The following IGF2BP2 variants were observed in gnomAD, a reference collection of about 807,000 sequenced individuals.
IGF2BP2 encodes insulin-like growth factor 2 mRNA-binding protein 2.
Under a neutral mutation model 75.8 loss-of-function variants are expected in IGF2BP2, and 17 were observed. The ratio of observed to expected loss-of-function variants is 0.22; its 90% CI spans 0.15 to 0.34. The LOEUF (loss-of-function observed/expected upper bound fraction) is 0.34, where lower values mean the gene tolerates loss of function less well. Ranked by LOEUF, IGF2BP2 falls within the 10% of genes least tolerant of loss-of-function variation. The pLI is 1.00. For synonymous variants in IGF2BP2, 288 were observed against 295.6 expected (o/e 0.97, Z 0.26); for missense variants, 516 against 772.4 (o/e 0.67, Z 3.93).
At chr3:185,823,956 G>A (rs949378474) in intron 1 of IGF2BP2, among the ~76,000 whole-genome samples, 14 of 152,112 alleles carry the variant, frequency 9.2e-5, no homozygotes, top group Admixed American at 6.5e-5. Context: ...CTCAACCCTG[G>A]CCCCCACCGA....
intron 2 of IGF2BP2, among the ~76,000 whole-genome samples, chr3:185,741,095 G>A (rs868011462): frequency 6.6e-6 from 1 of 151,998 alleles, no homozygotes; most frequent in African/African-American, 2.4e-5. Context: ...AGGATGTCTC[G>A]ATCTCCTGAC....
At position 185,675,774 on chromosome 3, in the gene IGF2BP2, C is replaced by A; in HGVS notation, c.935+17G>T. On this transcript the variant is annotated intron_variant, in intron 8 of 15. Transcript: ENST00000382199. ...TGTTCCATTATTGGGCATGAGTAAT[C>A]TGAGTAAGTGGCTTACGATGAGATT... 6.2e-7 allele frequency: 1 copy of A among 1,610,918 alleles called. No individual in the cohort carries two copies. The highest frequency in any genetic ancestry group is 8.5e-7 in the Non-Finnish European group (1 of 1,179,330).
chr3:185,776,653 T>G (rs117247180), intron 2 of IGF2BP2, among the ~76,000 whole-genome samples: 1 of 152,214 alleles, frequency 6.6e-6, no homozygotes, highest in East Asian at 1.9e-4. Flanking sequence ...GACTCCAGAA[T>G]GCAGCCAAAG....
intron 2 of IGF2BP2, among the ~76,000 whole-genome samples, chr3:185,775,711 G>C (rs1479578416): frequency 1.3e-5 from 2 of 152,170 alleles, no homozygotes; most frequent in Non-Finnish European, 2.9e-5. Context: ...AAGAGAAATG[G>C]AGATCACTGA....
chr3:185,779,768 GC>G (rs1734971866), intron 2 of IGF2BP2, among the ~76,000 whole-genome samples: 1 of 151,230 alleles, frequency 6.6e-6, no homozygotes, highest in South Asian at 2.1e-4. Flanking sequence ...TTCTCCTATT[GC>G]CATTCTGAAA....
At position 185,675,068 on chromosome 3, in the gene IGF2BP2, C is replaced by T. The variant is rs1363604306; in HGVS notation, c.1071+228G>A. On this transcript the variant is annotated intron_variant, in intron 9 of 15. Coordinates refer to ENST00000382199, the MANE Select transcript of IGF2BP2 (RefSeq NM_006548.6). ...TTCTTAATAAACACTATATCATAAG[C>T]TTTTCCTTATTTCAGTCTTCAAAGT... The T allele has an allele frequency of 2.7e-5, 6 of 222,076 alleles. No homozygotes were observed. In the East Asian group the frequency reaches 6.0e-4, roughly 22 times the overall value. 13.8% of individuals were successfully genotyped at this position (222,076 alleles called of 1,614,324 possible).
chr3:185,790,614 T>C (rs1391973791), intron 2 of IGF2BP2, among the ~76,000 whole-genome samples: 1 of 152,212 alleles, frequency 6.6e-6, no homozygotes, highest in African/African-American at 2.4e-5. Flanking sequence ...CTTCCTAAAA[T>C]TGTTTTTTCC....
chr3:185,821,289 C>T (rs1298076728), intron 2 of IGF2BP2, among the ~76,000 whole-genome samples: 1 of 152,198 alleles, frequency 6.6e-6, no homozygotes, highest in Non-Finnish European at 1.5e-5. Flanking sequence ...ATACACAGCG[C>T]ATTTTAATCT....
chr3:185,823,278 G>T, intron 1 of IGF2BP2, 65 bp from the exon 2 acceptor site: 1 of 1,287,620 alleles, frequency 7.8e-7, no homozygotes, highest in South Asian at 1.3e-5. Context: ...GTCTAGGGGG[G>T]GCACGCACGG....
At chr3:185,778,436 A>T (rs777037328) in intron 2 of IGF2BP2, among the ~76,000 whole-genome samples, 15 of 152,238 alleles carry the variant, frequency 9.9e-5, no homozygotes, top group Non-Finnish European at 2.1e-4. Flanking sequence ...TCTCATCAAC[A>T]TTATAATAAA....
At chr3:185,672,196 T>C (rs1384897527) in intron 10 of IGF2BP2, among the ~76,000 whole-genome samples, 2 of 152,238 alleles carry the variant, frequency 1.3e-5, no homozygotes, top group African/African-American at 2.4e-5. Context: ...AGGTACCCTA[T>C]ATATTTTAAT....
intron 2 of IGF2BP2, among the ~76,000 whole-genome samples, chr3:185,798,431 C>A (rs1306330686): frequency 6.6e-6 from 1 of 152,190 alleles, no homozygotes; most frequent in Non-Finnish European, 1.5e-5. Context: ...ATATTTATTA[C>A]ATAATAGATT....
At chr3:185,679,594 A>C (rs1720072883) in intron 7 of IGF2BP2, among the ~76,000 whole-genome samples, 1 of 151,588 alleles carries the variant, frequency 6.6e-6, no homozygotes. Flanking sequence ...CTTTTATTTT[A>C]TGTTTTATTT....
intron 2 of IGF2BP2, chr3:185,716,679 A>G: frequency 1.9e-6 from 1 of 520,002 alleles, no homozygotes; most frequent in Non-Finnish European, 3.8e-6. Flanking sequence ...GGTTAAGGAG[A>G]GTGTATTTAC....
At chr3:185,770,713 A>G (rs1292581030) in intron 2 of IGF2BP2, among the ~76,000 whole-genome samples, 1 of 152,184 alleles carries the variant, frequency 6.6e-6, no homozygotes, top group Non-Finnish European at 1.5e-5. Context: ...GAGCAGCACA[A>G]AGAGACTGTA....
At chr3:185,768,755 C>T (rs144476668) in intron 2 of IGF2BP2, among the ~76,000 whole-genome samples, 2 of 152,258 alleles carry the variant, frequency 1.3e-5, no homozygotes, top group African/African-American at 2.4e-5. Context: ...CTAAGCCAGG[C>T]GTGGTGGCTT....
intron 4 of IGF2BP2, among the ~76,000 whole-genome samples, chr3:185,695,283 T>C (rs1197219073): frequency 6.6e-6 from 1 of 152,216 alleles, no homozygotes; most frequent in South Asian, 2.1e-4. Flanking sequence ...ATAGATCATA[T>C]ACAAGAAAAT....
intron 3 of IGF2BP2, among the ~76,000 whole-genome samples, chr3:185,697,483 C>A (rs930430754): frequency 9.2e-5 from 14 of 151,540 alleles, no homozygotes; most frequent in Admixed American, 2.0e-4. Flanking sequence ...ACGGTGTTTT[C>A]TTTGGGTGGG....
chr3:185,698,288 C>CA lies in IGF2BP2; in HGVS notation c.288+10dup, dbSNP rs751947580. On this transcript the variant is annotated intron_variant, in intron 3 of 15. Transcript: ENST00000382199. ...GTCTCATCAACCCATTAAAAATTGA[C>CA]ACTGGCTTACCTCCCACTGCAGGTG... The CA allele has an allele frequency of 1.2e-6, 2 of 1,612,582 alleles. No individual in the cohort carries two copies. Among genetic ancestry groups the CA allele is most frequent in the African/African-American group, 2.7e-5 (2 of 74,990 alleles).
Sources: gnomAD v4.1 joint callset for allele counts (sites outside exome capture counted in the v4.1 genomes callset) on GRCh38, gnomAD v4.1.1 for gene constraint, MANE v1.5 for transcripts, NCBI Gene and HGNC (gene_info 2026-07-23, HGNC 2026-07-21) for gene names.